DHDDS: variants seen among roughly 807,000 people sequenced by gnomAD.
The protein encoded by DHDDS is dehydrodolichyl diphosphate synthase subunit.
DHDDS carries 16 observed loss-of-function variants against 46.2 expected under a neutral mutation model. The observed-to-expected ratio is 0.35, with a 90% confidence interval of 0.23 to 0.53. The LOEUF (loss-of-function observed/expected upper bound fraction) is 0.53, where lower values mean the gene tolerates loss of function less well. Among genes scored for constraint, DHDDS ranks in the 20% least tolerant of loss-of-function variants. The probability of loss-of-function intolerance (pLI) is 0.94; values close to 1 mark genes in which losing one functional copy is unlikely to be tolerated. For missense variants in DHDDS, 340 were observed against 423.7 expected (o/e 0.80, Z 1.73); for synonymous variants, 151 against 163.1 (o/e 0.93, Z 0.56).
chr1:26,446,267 C>G (rs767111037), intron 4 of DHDDS, 49 bp from the exon 5 acceptor site: 48 of 1,581,540 alleles, frequency 3.0e-5, no homozygotes, highest in Middle Eastern at 1.9e-4. Flanking sequence ...CTTGCTCTCT[C>G]CAGCTCAGCA....
chr1:26,463,322 G>A (rs6675469), intron 8 of DHDDS: 50,679 of 152,036 alleles, frequency 0.33, 10,328 homozygotes, highest in East Asian at 0.72. Context: ...AGTGAAACTA[G>A]CTATATCAAG....
rs1431946737 is a variant in DHDDS, at chr1:26,470,911, C to T, written c.*1780C>T. The T allele has an allele frequency of 2.0e-5, 3 of 152,740 alleles. No individual in the cohort carries two copies. Among genetic ancestry groups the T allele is most frequent in the Admixed American group, 6.5e-5 (1 of 15,286 alleles). The allele number at this position is 152,740 out of a possible 1,614,324, so 9.5% of individuals were successfully genotyped here. A position where few individuals can be genotyped will look rare whatever the true frequency, so the allele number is the denominator to read the frequency against. ...GCCCTATGAGCGTGGCTGTTGAGTC[C>T]TGTCTCCTGGGTCTGACTTTCCGTA... On this transcript the variant is annotated 3_prime_UTR_variant, in exon 9 of 9. Transcript: ENST00000236342.
At chr1:26,437,023 A>G (rs2075165027) in intron 2 of DHDDS, among the ~76,000 whole-genome samples, 1 of 151,952 alleles carries the variant, frequency 6.6e-6, no homozygotes, top group Non-Finnish European at 1.5e-5. Context: ...ATAAAAAATT[A>G]GCTGGGCATG....
At chr1:26,455,682 G>A (rs2075364466) in intron 6 of DHDDS, among the ~76,000 whole-genome samples, 1 of 152,150 alleles carries the variant, frequency 6.6e-6, no homozygotes, top group Non-Finnish European at 1.5e-5. Flanking sequence ...GAGAGGTGGA[G>A]GTTGCGGGAG....
chr1:26,451,462 T>A (rs2124455343), intron 6 of DHDDS, among the ~76,000 whole-genome samples: 1 of 149,662 alleles, frequency 6.7e-6, no homozygotes, highest in African/African-American at 2.5e-5. Flanking sequence ...ATTTTTGTTT[T>A]TTTGTTTTTC....
chr1:26,446,568 CTT>C, intron 5 of DHDDS, 136 bp downstream of exon 5: 1 of 762,364 alleles, frequency 1.3e-6, no homozygotes, highest in South Asian at 1.4e-5. Flanking sequence ...AGCTTAGAGA[CTT>C]TCTCCGTCTG....
intron 6 of DHDDS, chr1:26,448,193 CT>C (rs11300095): frequency 0.27 from 32,491 of 120,982 alleles, 3,230 homozygotes; most frequent in East Asian, 0.59. Flanking sequence ...TTTTTCTTTT[CT>C]TTTTTTTTTT....
chr1:26,433,194 T>A lies in DHDDS; in HGVS notation c.63+186T>A, dbSNP rs2075120687. ...ATTTCTGGTAGACTTTTGTCCTAAC[T>A]CTGATATTTTCTGGAAGCCCAGGCC... On this transcript the variant is annotated intron_variant, in intron 2 of 8. Coordinates refer to ENST00000236342, the MANE Select transcript of DHDDS (RefSeq NM_205861.3). 8 of 660,476 alleles carry A rather than the reference T, an allele frequency of 1.2e-5. No homozygotes were observed. The South Asian group carries it at 1.5e-4, about 12-fold the overall frequency. The allele number at this position is 660,476 out of a possible 1,614,324, so 40.9% of individuals were successfully genotyped here.
intron 4 of DHDDS, among the ~76,000 whole-genome samples, chr1:26,445,425 G>T (rs2075259257): frequency 6.6e-6 from 1 of 152,164 alleles, no homozygotes; most frequent in South Asian, 2.1e-4. Context: ...AAAGAGTTTG[G>T]GTTCTTGCTG....
At chr1:26,466,128 C>A (rs985528598) in intron 8 of DHDDS, 2 of 152,196 alleles carry the variant, frequency 1.3e-5, no homozygotes, top group African/African-American at 4.8e-5. Context: ...AAGTGAGCTT[C>A]TTGGAGCCCT....
At chr1:26,434,469 C>T (rs1471369867) in intron 2 of DHDDS, among the ~76,000 whole-genome samples, 1 of 152,080 alleles carries the variant, frequency 6.6e-6, no homozygotes, top group Non-Finnish European at 1.5e-5. Flanking sequence ...GAACAAGCTG[C>T]ATAACTTGAA....
intron 6 of DHDDS, among the ~76,000 whole-genome samples, chr1:26,453,162 A>G (rs990142992): frequency 2.0e-5 from 3 of 152,162 alleles, no homozygotes; most frequent in Non-Finnish European, 2.9e-5. Flanking sequence ...ATGAAATCAC[A>G]TAATGAATAG....
intron 6 of DHDDS, among the ~76,000 whole-genome samples, chr1:26,453,425 T>C (rs2075340413): frequency 6.6e-6 from 1 of 152,202 alleles, no homozygotes; most frequent in Admixed American, 6.5e-5. Context: ...AGTTTGAAAG[T>C]GCTCATTTCA....
rs559022048 is a variant in DHDDS at position 26,462,688 on chromosome 1, A to C, written c.765+2544A>C. The C allele has an allele frequency of 2.0e-5, 3 of 152,302 alleles. No homozygotes were observed. The South Asian group carries it at 6.2e-4, about 32-fold the overall frequency. 9.4% of individuals were successfully genotyped at this position (152,302 alleles called of 1,614,324 possible). A position where few individuals can be genotyped will look rare whatever the true frequency, so the allele number is the denominator to read the frequency against. On this transcript the variant is annotated intron_variant, in intron 8 of 8. Transcript: ENST00000236342. Reference sequence around the variant, plus strand: ...TTTTACCTCTAATTGGGCTGCTCAGAAGTCTTTTATAGTAATTTCACGTTT... The same window carrying C: ...TTTTACCTCTAATTGGGCTGCTCAGCAGTCTTTTATAGTAATTTCACGTTT...
chr1:26,465,847 C>G (rs2075479805), intron 8 of DHDDS, among the ~76,000 whole-genome samples: 1 of 152,176 alleles, frequency 6.6e-6, no homozygotes, highest in Non-Finnish European at 1.5e-5. Flanking sequence ...CCTTCTCTGC[C>G]TGAGAGCAGC....
At position 26,460,062 on chromosome 1, in the gene DHDDS, A is replaced by G; in HGVS notation, c.683A>G (p.Gln228Arg). Residue 228 changes from glutamine (Q) to arginine (R), a missense_variant, in exon 8 of 9, where the codon CAA (glutamine) becomes CGA (arginine). This residue lies in a region of DHDDS where 268 missense variants were observed against 300.3 expected (regional missense o/e 0.89). Transcript: ENST00000236342. ...ACCTCTCACTCCTGCCTGGTGTTCC[A>G]ACCCGTTCTGTGGCCAGAGTATACA... ...WQTSHSCLVF[Q>R]PVLWPEYTFW... 6.2e-7 allele frequency: 1 copy of G among 1,614,164 alleles called. No individual in the cohort carries two copies. The highest frequency in any genetic ancestry group is 1.1e-5 in the South Asian group (1 of 91,082).
chr1:26,437,475 C>CTTT (rs1274583292), intron 2 of DHDDS, among the ~76,000 whole-genome samples: 1 of 144,412 alleles, frequency 6.9e-6, no homozygotes, highest in Non-Finnish European at 1.5e-5. Context: ...AACACACCAT[C>CTTT]TTTTTTTTTT....
chr1:26,436,401 T>TTTTTTTTG (rs1029305406), intron 2 of DHDDS, among the ~76,000 whole-genome samples: 3 of 147,876 alleles, frequency 2.0e-5, no homozygotes, highest in African/African-American at 7.5e-5. Flanking sequence ...TAAGACTCTG[T>TTTTTTTTG]TTTGTTTGTT....
At chr1:26,465,506 T>G (rs1035941159) in intron 8 of DHDDS, among the ~76,000 whole-genome samples, 1 of 152,194 alleles carries the variant, frequency 6.6e-6, no homozygotes, top group African/African-American at 2.4e-5. Context: ...ACTGCCTACA[T>G]AGCTATATGA....
Sources: allele counts gnomAD v4.1 joint callset (sites outside exome capture counted in the v4.1 genomes callset), GRCh38; gene constraint gnomAD v4.1.1; regional missense constraint gnomAD v4.1.1; transcripts MANE v1.5; gene names NCBI Gene and HGNC (gene_info 2026-07-23, HGNC 2026-07-21).